Variants in NFAT5 observed in about 807,000 individuals in gnomAD.
NFAT5 encodes the protein nuclear factor of activated T cells 5.
A neutral mutation model predicts 166.5 loss-of-function variants in NFAT5; 31 were observed. The observed-to-expected ratio is 0.19, with a 90% confidence interval of 0.14 to 0.25. The LOEUF (loss-of-function observed/expected upper bound fraction) is 0.25, where lower values mean the gene tolerates loss of function less well. Ranked by LOEUF, NFAT5 falls within the 10% of genes least tolerant of loss-of-function variation. The probability of loss-of-function intolerance (pLI) is 1.00; values close to 1 mark genes in which losing one functional copy is unlikely to be tolerated. For missense variants in NFAT5, 1,449 were observed against 1,821.8 expected, an observed-to-expected ratio of 0.80 and a Z score of 3.72; for synonymous variants, 612 against 639.7, an observed-to-expected ratio of 0.96 and a Z score of 0.65.
At chr16:69,576,460 T>C (rs2016759455) in intron 2 of NFAT5, among the ~76,000 whole-genome samples, 2 of 151,996 alleles carry the variant, frequency 1.3e-5, no homozygotes, top group African/African-American at 4.8e-5. Context: ...ATACAAAAAT[T>C]CATAAAGAAT....
At chr16:69,686,871 T>C (rs2037328288) in intron 11 of NFAT5, among the ~76,000 whole-genome samples, 1 of 142,990 alleles carries the variant, frequency 7.0e-6, no homozygotes, top group Non-Finnish European at 1.5e-5. Flanking sequence ...TCAAAAAATA[T>C]ATATAAATCA....
At chr16:69,688,959 C>G (rs2037441080) in intron 11 of NFAT5, among the ~76,000 whole-genome samples, 1 of 152,158 alleles carries the variant, frequency 6.6e-6, no homozygotes, top group Non-Finnish European at 1.5e-5. Context: ...TGTGCATGAT[C>G]TGAAGTTTTG....
At chr16:69,688,069 G>T (rs1316409917) in intron 11 of NFAT5, among the ~76,000 whole-genome samples, 1 of 151,004 alleles carries the variant, frequency 6.6e-6, no homozygotes, top group South Asian at 2.1e-4. Flanking sequence ...GGTGGCGGGC[G>T]CCTGTAGTCC....
chr16:69,595,770 A>T (rs1351045681), intron 2 of NFAT5, among the ~76,000 whole-genome samples: 1 of 152,206 alleles, frequency 6.6e-6, no homozygotes. Flanking sequence ...CAAATTGCCA[A>T]ATGTCACTAC....
At chr16:69,588,516 T>TTATTTACC (rs961433023) in intron 2 of NFAT5, among the ~76,000 whole-genome samples, 1 of 152,068 alleles carries the variant, frequency 6.6e-6, no homozygotes, top group African/African-American at 2.4e-5. Flanking sequence ...CTCACCACAC[T>TTATTTACC]TATTTGTGTG....
At chr16:69,622,498 G>A (rs763181499) in intron 2 of NFAT5, among the ~76,000 whole-genome samples, 19 of 152,090 alleles carry the variant, frequency 1.2e-4, no homozygotes, top group Admixed American at 2.6e-4. Context: ...CTTTGGAGAG[G>A]GGTGGAATAT....
Position 69,571,953 on chromosome 16 carries a change from AG to A in NFAT5, c.127+3408del, listed in dbSNP as rs1266862596. Among the ~76,000 whole-genome samples the A allele has an allele frequency of 8.5e-5, 13 of 152,116 alleles. No individual in the cohort carries two copies. The South Asian group carries it at 2.5e-3, about 29-fold the overall frequency. On this transcript the variant is annotated intron_variant, in intron 2 of 14. Transcript: ENST00000349945. ...TTTTTTTGGATTTTTTAGTAGAAAC[AG>A]GGTTTCACCATATTAGCCAGGATGG...
intron 9 of NFAT5, among the ~76,000 whole-genome samples, chr16:69,673,695 C>T (rs531364347): frequency 2.4e-4 from 37 of 151,722 alleles, no homozygotes; most frequent in Non-Finnish European, 4.4e-4. Flanking sequence ...TGCACTTCCA[C>T]GTGGGTGACA....
At chr16:69,636,359 C>T (rs1597445654) in intron 3 of NFAT5, among the ~76,000 whole-genome samples, 1 of 152,156 alleles carries the variant, frequency 6.6e-6, no homozygotes, top group East Asian at 1.9e-4. Flanking sequence ...GTGGATCTAC[C>T]ATTCTGGGGT....
chr16:69,615,050 T>G (rs1469498988), intron 2 of NFAT5, among the ~76,000 whole-genome samples: 1 of 150,946 alleles, frequency 6.6e-6, no homozygotes, highest in Non-Finnish European at 1.5e-5. Context: ...CTAAATTTTT[T>G]TTTTTTTTTT....
intron 7 of NFAT5, among the ~76,000 whole-genome samples, chr16:69,662,356 G>C (rs1008758721): frequency 6.6e-6 from 1 of 151,938 alleles, no homozygotes. Flanking sequence ...GATTCTTTTG[G>C]GGGAAATAAA....
intron 2 of NFAT5, among the ~76,000 whole-genome samples, chr16:69,585,126 T>C (rs1304492168): frequency 6.6e-6 from 1 of 152,034 alleles, no homozygotes; most frequent in East Asian, 1.9e-4. Context: ...GCCTCCCTAG[T>C]AGCTGGGACT....
chr16:69,585,945 C>T (rs928739828), intron 2 of NFAT5, among the ~76,000 whole-genome samples: 1 of 152,116 alleles, frequency 6.6e-6, no homozygotes, highest in Non-Finnish European at 1.5e-5. Context: ...GTAATGGTTG[C>T]ACAATGTCGT....
At chr16:69,568,344 A>ATGTGTG (rs373838844) in intron 1 of NFAT5, 151 bp from the exon 2 acceptor site, 16,490 of 213,010 alleles carry the variant, frequency 0.077, 702 homozygotes, top group Non-Finnish European at 0.087. Flanking sequence ...GTATATATAT[A>ATGTGTG]TATGTGTGTG....
At chr16:69,610,139 G>A (rs1468167368) in intron 2 of NFAT5, among the ~76,000 whole-genome samples, 1 of 152,170 alleles carries the variant, frequency 6.6e-6, no homozygotes, top group South Asian at 2.1e-4. Context: ...ATAACTGAAA[G>A]TGAAGACCCT....
At position 69,568,344 on chromosome 16, in the gene NFAT5, ATATGTGTG is replaced by A. The variant is rs879123159; in HGVS notation, c.74-149_74-142del. Reference sequence around the variant, plus strand: ...TCAAAATGTATGTGTGTATATATATATATGTGTGTGTGTGTGTGTGTGTGTGTGTGTGT... The same window carrying A: ...TCAAAATGTATGTGTGTATATATATATGTGTGTGTGTGTGTGTGTGTGTGT... On this transcript the variant is annotated intron_variant, in intron 1 of 14. Transcript: ENST00000349945. 62 of 215,548 alleles carry A rather than the reference ATATGTGTG, an allele frequency of 2.9e-4. 1 individual carries two copies. Among genetic ancestry groups the A allele is most frequent in the Non-Finnish European group, 2.3e-4 (26 of 113,774 alleles). The allele number at this position is 215,548 out of a possible 1,614,324, so 13.4% of individuals were successfully genotyped here. A position where few individuals can be genotyped will look rare whatever the true frequency, so the allele number is the denominator to read the frequency against.
At chr16:69,615,651 A>G (rs1017240321) in intron 2 of NFAT5, among the ~76,000 whole-genome samples, 4 of 152,180 alleles carry the variant, frequency 2.6e-5, no homozygotes, top group Non-Finnish European at 4.4e-5. Context: ...TCCCGTTGCA[A>G]TGCAATACCG....
At chr16:69,638,571 T>A (rs950016563) in intron 3 of NFAT5, among the ~76,000 whole-genome samples, 1 of 151,654 alleles carries the variant, frequency 6.6e-6, no homozygotes, top group African/African-American at 2.4e-5. Context: ...CCATCTCTAC[T>A]AAAAAATACA....
At chr16:69,671,122 T>G (rs2036604628) in intron 9 of NFAT5, among the ~76,000 whole-genome samples, 2 of 152,226 alleles carry the variant, frequency 1.3e-5, no homozygotes, top group African/African-American at 4.8e-5. Flanking sequence ...TTTAAAAACC[T>G]AATAAAATTT....
Sources: gnomAD v4.1 joint callset for allele counts (sites outside exome capture counted in the v4.1 genomes callset) on GRCh38, gnomAD v4.1.1 for gene constraint, MANE v1.5 for transcripts, NCBI Gene and HGNC (gene_info 2026-07-23, HGNC 2026-07-21) for gene names.